The following XYLB variants were observed in gnomAD, a reference collection of about 807,000 sequenced individuals.
XYLB encodes xylulokinase.
In XYLB, 62 loss-of-function variants were observed where a neutral mutation model predicts 78.7. The ratio of observed to expected loss-of-function variants is 0.79; its 90% CI spans 0.64 to 0.97. The LOEUF (loss-of-function observed/expected upper bound fraction) is 0.97. XYLB is among the 50% of genes least tolerant of loss of function. The pLI, the probability that XYLB is intolerant of heterozygous loss-of-function variation, is 0.00. For synonymous variants in XYLB, 245 were observed against 247.4 expected, an observed-to-expected ratio of 0.99 and a Z score of 0.09; for missense variants, 687 against 676.8, an observed-to-expected ratio of 1.02 and a Z score of -0.17.
downstream of XYLB, among the ~76,000 whole-genome samples, chr3:38,418,221 A>G (rs955665533): frequency 2.0e-5 from 3 of 151,126 alleles, no homozygotes; most frequent in Non-Finnish European, 2.9e-5. Flanking sequence ...AAAGATATAT[A>G]TATATGTATG....
intron 15 of XYLB, among the ~76,000 whole-genome samples, chr3:38,392,713 G>A (rs1389747331): frequency 1.3e-5 from 2 of 151,982 alleles, no homozygotes; most frequent in Non-Finnish European, 2.9e-5. Flanking sequence ...TTGATTTGTA[G>A]GATTTTATTG....
At chr3:38,437,387 AT>A in the XYLB span, among the ~76,000 whole-genome samples, 2 of 152,196 alleles carry the variant, frequency 1.3e-5, no homozygotes, top group Admixed American at 1.3e-4. Flanking sequence ...CCTATTCAAC[AT>A]AGTACTGGAA....
intron 8 of XYLB, among the ~76,000 whole-genome samples, chr3:38,368,755 T>C (rs1426920989): frequency 6.6e-6 from 1 of 152,194 alleles, no homozygotes; most frequent in Non-Finnish European, 1.5e-5. Context: ...CCATCACTTT[T>C]GTCTCATCTT....
At chr3:38,411,984 CT>C (rs5848424) in intron 18 of XYLB, among the ~76,000 whole-genome samples, 57,677 of 138,012 alleles carry the variant, frequency 0.42, 11,955 homozygotes, top group Non-Finnish European at 0.53. Flanking sequence ...GATCTCAACT[CT>C]TTTTTTTTTT....
chr3:38,386,133 T>G (rs753684108), intron 15 of XYLB, among the ~76,000 whole-genome samples: 55 of 152,150 alleles, frequency 3.6e-4, no homozygotes, highest in Non-Finnish European at 6.3e-4. Context: ...ATCCTAACAG[T>G]GACAAAGTTG....
intron 3 of XYLB, among the ~76,000 whole-genome samples, chr3:38,360,847 A>T (rs1157688114): frequency 6.6e-6 from 1 of 152,174 alleles, no homozygotes; most frequent in Non-Finnish European, 1.5e-5. Flanking sequence ...CAGCCTGGCC[A>T]ACATGGTGAA....
At chr3:38,438,443 A>T in the XYLB span, among the ~76,000 whole-genome samples, 2 of 152,250 alleles carry the variant, frequency 1.3e-5, no homozygotes, top group Non-Finnish European at 2.9e-5. Context: ...AAAGCAATCT[A>T]CAGGTTCAAC....
At chr3:38,436,075 G>T in the XYLB span, among the ~76,000 whole-genome samples, 1 of 151,964 alleles carries the variant, frequency 6.6e-6, no homozygotes, top group East Asian at 1.9e-4. Context: ...AAGGAATAAA[G>T]ATCAGAGCAG....
the XYLB span, among the ~76,000 whole-genome samples, chr3:38,439,267 T>C: frequency 6.6e-6 from 1 of 152,104 alleles, no homozygotes; most frequent in Non-Finnish European, 1.5e-5. Flanking sequence ...GGTCCAGGGG[T>C]CCTCAGTAGA....
chr3:38,367,473 G>C (rs933177094), intron 7 of XYLB, among the ~76,000 whole-genome samples: 10 of 152,202 alleles, frequency 6.6e-5, no homozygotes, highest in African/African-American at 2.2e-4. Flanking sequence ...TTTAATCTTA[G>C]AAATTAACAT....
In XYLB at chr3:38,414,174, G is replaced by A. The variant is rs769248313; in HGVS notation, c.*1161G>A. 2 of 152,176 alleles carry A rather than the reference G, an allele frequency of 1.3e-5. No individual in the cohort carries two copies. Among genetic ancestry groups the A allele is most frequent in the Non-Finnish European group, 1.5e-5 (1 of 68,048 alleles). The allele number at this position is 152,176 out of a possible 1,614,324, so 9.4% of individuals were successfully genotyped here. A position where few individuals can be genotyped will look rare whatever the true frequency, so the allele number is the denominator to read the frequency against. On this transcript the variant is annotated 3_prime_UTR_variant, in exon 19 of 19. Transcript: ENST00000207870. The stretch of plus-strand genomic sequence containing the variant: ...ATCAAAATACGCATGTTCTCACCCA[G>A]AGTGACAAAATCCTGCAGATAGGTT...
At chr3:38,426,691 G>A in the XYLB span, among the ~76,000 whole-genome samples, 41 of 152,186 alleles carry the variant, frequency 2.7e-4, no homozygotes, top group Admixed American at 7.2e-4. Flanking sequence ...CGAATCCTGC[G>A]AGAAGTAGCC....
chr3:38,354,783 C>T (rs977104786), intron 2 of XYLB, among the ~76,000 whole-genome samples: 9 of 152,204 alleles, frequency 5.9e-5, no homozygotes, highest in East Asian at 1.9e-4. Context: ...GGATTACAGG[C>T]GTGAGCCACC....
chr3:38,416,483 A>G (rs764546802), downstream of XYLB, among the ~76,000 whole-genome samples: 1 of 152,190 alleles, frequency 6.6e-6, no homozygotes, highest in Non-Finnish European at 1.5e-5. Flanking sequence ...ATTAAGTCCA[A>G]GCATATAAGT....
At chr3:38,349,589 G>C (rs1705247265) in intron 2 of XYLB, among the ~76,000 whole-genome samples, 1 of 152,202 alleles carries the variant, frequency 6.6e-6, no homozygotes, top group Non-Finnish European at 1.5e-5. Context: ...TGGGATTTCT[G>C]GCTGTCCTTC....
In XYLB at chr3:38,358,309, TTGTGTGTGTGTGTG is replaced by T. The variant is rs780269094; in HGVS notation, c.141-1994_141-1981del. Among the ~76,000 whole-genome samples the T allele has an allele frequency of 3.2e-3, 177 of 54,954 alleles. 1 individual carries two copies. Among genetic ancestry groups the T allele is most frequent in the African/African-American group, 0.012 (168 of 14,286 alleles). The allele number at this position is 54,954 out of a possible 152,430, so 36.1% of individuals were successfully genotyped here. A position where few individuals can be genotyped will look rare whatever the true frequency, so the allele number is the denominator to read the frequency against. ...CTTAGCTGGAAATGCCAGTTTTGTT[TTGTGTGTGTGTGTG>T]TGTGTGTGTGTGTGTGTGTGTGTGT... On this transcript the variant is annotated intron_variant, in intron 2 of 18. Coordinates refer to ENST00000207870, the MANE Select transcript of XYLB (RefSeq NM_005108.4).
At chr3:38,378,550 A>C (rs1214858057) in intron 14 of XYLB, among the ~76,000 whole-genome samples, 1 of 152,182 alleles carries the variant, frequency 6.6e-6, no homozygotes, top group Non-Finnish European at 1.5e-5. Context: ...GTCTCTGAGA[A>C]GGTGGCCTTT....
chr3:38,396,426 G>A (rs953335542), intron 16 of XYLB, among the ~76,000 whole-genome samples: 12 of 152,174 alleles, frequency 7.9e-5, no homozygotes, highest in East Asian at 5.8e-4. Context: ...TCCTGTGAGC[G>A]GTGGCCTATG....
the XYLB span, among the ~76,000 whole-genome samples, chr3:38,437,001 C>G: frequency 4.5e-5 from 3 of 66,080 alleles, no homozygotes; most frequent in African/African-American, 1.6e-4. Flanking sequence ...GAGACTCCTT[C>G]TAAAAATAAT....
Sources: allele counts gnomAD v4.1 joint callset (sites outside exome capture counted in the v4.1 genomes callset), GRCh38; gene constraint gnomAD v4.1.1; transcripts MANE v1.5; gene names NCBI Gene and HGNC (gene_info 2026-07-23, HGNC 2026-07-21).